Variants in ZFHX4 observed in about 807,000 individuals in gnomAD.
ZFHX4 encodes zinc finger homeobox 4.
ZFHX4 carries 56 observed loss-of-function variants against 267.6 expected under a neutral mutation model. The observed-to-expected ratio is 0.21, with a 90% confidence interval of 0.17 to 0.26. The LOEUF (loss-of-function observed/expected upper bound fraction) is 0.26, where lower values mean the gene tolerates loss of function less well. Ranked by LOEUF, ZFHX4 falls within the 10% of genes least tolerant of loss-of-function variation. The pLI, the probability that ZFHX4 is intolerant of heterozygous loss-of-function variation, is 1.00. For missense variants in ZFHX4, 4,332 were observed against 4,420.0 expected, an observed-to-expected ratio of 0.98 and a Z score of 0.56; for synonymous variants, 1,778 against 1,665.6, an observed-to-expected ratio of 1.07 and a Z score of -1.64.
chr8:76,722,513 CT>C (rs1808748743), intron 3 of ZFHX4, among the ~76,000 whole-genome samples: 1 of 151,860 alleles, frequency 6.6e-6, no homozygotes, highest in East Asian at 1.9e-4. Context: ...ACACAAATAC[CT>C]GCCTATATCT....
chr8:76,758,026 C>T (rs1177580923), intron 3 of ZFHX4, among the ~76,000 whole-genome samples: 2 of 152,070 alleles, frequency 1.3e-5, no homozygotes, highest in African/African-American at 2.4e-5. Flanking sequence ...GAACACTGTT[C>T]GTTCATTTCC....
Position 76,863,096 on chromosome 8 carries a change from T to G in ZFHX4, c.9382T>G (p.Leu3128Val). Residue 3128 changes from leucine to valine, a missense_variant and splice_region_variant, in exon 11 of 11, where the codon TTA becomes GTA. Leu to Val is a conservative substitution (Grantham distance 32). This residue lies in a region of ZFHX4 where 1,648 missense variants were observed against 1,625.0 expected (regional missense o/e 1.01). Coordinates refer to ENST00000651372, the MANE Select transcript of ZFHX4 (RefSeq NM_024721.5). ...LPGFPQNSNTLTPPGAGMLGF... is the reference protein window; with the variant it reads ...LPGFPQNSNTVTPPGAGMLGF... Reference sequence around the variant, plus strand: ...CATCTCTCTGTTGTTGTTTTCAGCTTTAACACCTCCCGGTGCAGGCATGCT... The same window carrying G: ...CATCTCTCTGTTGTTGTTTTCAGCTGTAACACCTCCCGGTGCAGGCATGCT... 1 of 1,507,972 alleles carries G rather than the reference T, an allele frequency of 6.6e-7. No individual in the cohort carries two copies. Among genetic ancestry groups the G allele is most frequent in the South Asian group, 1.3e-5 (1 of 74,670 alleles). The allele number at this position is 1,507,972 out of a possible 1,614,324, so 93.4% of individuals were successfully genotyped here.
Position 76,853,530 on chromosome 8 carries a change from A to G in ZFHX4, c.6609A>G (p.Leu2203=), listed in dbSNP as rs761611767. 34 of 1,613,816 alleles carry G rather than the reference A, an allele frequency of 2.1e-5. No individual in the cohort carries two copies. Among genetic ancestry groups the G allele is most frequent in the African/African-American group, 1.6e-4 (12 of 74,920 alleles). The change falls in exon 10 of 11, where the codon TTA becomes TTG. Residue 2203 remains leucine, a synonymous_variant. Transcript: ENST00000651372. The stretch of plus-strand genomic sequence containing the variant: ...TCAGTAACCCTCCTATAACGGTTTT[A>G]GAAGATATCAGAATTGATCCACAGC... ...YNFSNPPITV[L]EDIRIDPQPT... is the part of the protein sequence containing the mutation.
rs552204674 is a variant in ZFHX4 at position 76,867,267 on chromosome 8, A to T, written c.*2702A>T. 5 of 152,700 alleles carry T rather than the reference A, an allele frequency of 3.3e-5. No homozygotes were observed. The highest frequency in any genetic ancestry group is 1.2e-4 in the African/African-American group (5 of 41,578). 9.5% of individuals were successfully genotyped at this position (152,700 alleles called of 1,614,324 possible). A position where few individuals can be genotyped will look rare whatever the true frequency, so the allele number is the denominator to read the frequency against. On this transcript the variant is annotated 3_prime_UTR_variant, in exon 11 of 11. Transcript: ENST00000651372. ...TTGTTGCTCATTGTGATACATTAAA[A>T]ACTGTATCTACATATTTACTATGTG...
intron 4 of ZFHX4, among the ~76,000 whole-genome samples, chr8:76,831,257 G>T (rs1811925037): frequency 6.6e-6 from 1 of 152,080 alleles, no homozygotes; most frequent in Admixed American, 6.6e-5. Context: ...AAGTCACCTA[G>T]GTACTACTGA....
Position 76,863,192 on chromosome 8 carries a change from C to T in ZFHX4, c.9478C>T (p.Gln3160Ter). The T allele has an allele frequency of 6.4e-7, 1 of 1,562,238 alleles. No homozygotes were observed. The highest frequency in any genetic ancestry group is 1.2e-5 in the South Asian group (1 of 85,092). ...CAGTGCCCCCACCAAACCTTTGCTG[C>T]AGACTCCACCACCTCCACCACCTCC... ...LSSAPTKPLL[Q>*]TPPPPPPPPP... The change falls in exon 11 of 11, where the codon CAG becomes TAG. Residue 3160 changes from glutamine (Q) to a stop codon, truncating the protein, a stop_gained. Transcript: ENST00000651372. LOFTEE classifies it high-confidence loss of function.
intron 3 of ZFHX4, among the ~76,000 whole-genome samples, chr8:76,742,010 A>G (rs1267496799): frequency 6.6e-6 from 1 of 152,202 alleles, no homozygotes; most frequent in Non-Finnish European, 1.5e-5. Context: ...CTCCAGTTGT[A>G]TTGTTATGTG....
chr8:76,829,773 C>T (rs560150093), intron 4 of ZFHX4, among the ~76,000 whole-genome samples: 3 of 152,074 alleles, frequency 2.0e-5, no homozygotes, highest in South Asian at 2.1e-4. Flanking sequence ...GAGTCAAGAT[C>T]GCGCCACTGC....
chr8:76,776,389 G>T (rs1301466449), intron 3 of ZFHX4, among the ~76,000 whole-genome samples: 2 of 152,060 alleles, frequency 1.3e-5, no homozygotes, highest in Non-Finnish European at 2.9e-5. Context: ...CACACACTCA[G>T]GCGTCCTGTG....
intron 8 of ZFHX4, 43 bp from the exon 9 acceptor site, chr8:76,850,202 A>G (rs1812474458): frequency 4.1e-6 from 6 of 1,464,894 alleles, no homozygotes; most frequent in African/African-American, 1.4e-5. Flanking sequence ...GGAATTTGTG[A>G]TTTCTGGGGT....
chr8:76,749,462 C>A (rs1440829615), intron 3 of ZFHX4, among the ~76,000 whole-genome samples: 5 of 152,086 alleles, frequency 3.3e-5, no homozygotes, highest in Admixed American at 1.3e-4. Context: ...GTTCATTTTT[C>A]TTGATGAGAT....
intron 4 of ZFHX4, among the ~76,000 whole-genome samples, chr8:76,824,904 A>G (rs1457796053): frequency 2.0e-5 from 3 of 152,170 alleles, no homozygotes; most frequent in African/African-American, 2.4e-5. Flanking sequence ...GCCTTTACAA[A>G]TTGATACACA....
At chr8:76,812,256 T>C (rs936843218) in intron 4 of ZFHX4, among the ~76,000 whole-genome samples, 2 of 152,222 alleles carry the variant, frequency 1.3e-5, no homozygotes, top group African/African-American at 4.8e-5. Context: ...ATTAAGTAAA[T>C]GCTTTTGCTT....
At chr8:76,833,559 A>G (rs1811994080) in intron 5 of ZFHX4, 153 bp downstream of exon 5, 1 of 594,964 alleles carries the variant, frequency 1.7e-6, no homozygotes, top group African/African-American at 1.9e-5. Flanking sequence ...AAAATGAAAT[A>G]AATTCAATAA....
chr8:76,747,063 G>T (rs190996988), intron 3 of ZFHX4, among the ~76,000 whole-genome samples: 345 of 152,122 alleles, frequency 2.3e-3, no homozygotes, highest in African/African-American at 7.9e-3. Context: ...CATTTGCAGG[G>T]TTTCCATTTC....
intron 4 of ZFHX4, among the ~76,000 whole-genome samples, chr8:76,810,977 A>AG (rs1308811083): frequency 2.8e-4 from 42 of 152,248 alleles, no homozygotes; most frequent in African/African-American, 1.0e-3. Context: ...AGAAGCTACT[A>AG]GGCCATCTCT....
chr8:76,741,764 A>G (rs1402916452), intron 3 of ZFHX4, among the ~76,000 whole-genome samples: 1 of 152,196 alleles, frequency 6.6e-6, no homozygotes, highest in African/African-American at 2.4e-5. Flanking sequence ...CCCATTCCTT[A>G]TATCACCATC....
At chr8:76,863,047 G>A in intron 10 of ZFHX4, 47 bp from the exon 11 acceptor site, 6 of 1,458,552 alleles carry the variant, frequency 4.1e-6, no homozygotes, top group Non-Finnish European at 5.4e-6. Context: ...GCCTTCCGAT[G>A]TTGGTCTGTA....
Position 76,707,977 on chromosome 8 carries a change from A to G in ZFHX4, c.3022A>G (p.Thr1008Ala). The change falls in exon 3 of 11, where the codon ACC becomes GCC. Residue 1008 changes from threonine (T) to alanine (A), a missense_variant. Thr to Ala is a moderately conservative substitution (Grantham distance 58, BLOSUM62 0). Coordinates refer to ENST00000651372, the MANE Select transcript of ZFHX4 (RefSeq NM_024721.5). ...AAAATGTAACGCCTGTGACTATTAC[A>G]CCAACAGTGTGGATAAATTACGCTT... ...HLKCNACDYY[T>A]NSVDKLRLHT... 2 of 1,614,054 alleles carry G rather than the reference A, an allele frequency of 1.2e-6. No homozygotes were observed. Among genetic ancestry groups the G allele is most frequent in the South Asian group, 2.2e-5 (2 of 91,084 alleles).
Sources: gnomAD v4.1 joint callset for allele counts (sites outside exome capture counted in the v4.1 genomes callset) on GRCh38, gnomAD v4.1.1 for gene constraint, gnomAD v4.1.1 regional missense constraint, MANE v1.5 for transcripts, NCBI Gene and HGNC (gene_info 2026-07-23, HGNC 2026-07-21) for gene names.